Variants in BMP10 observed in about 807,000 individuals in gnomAD.
The protein encoded by BMP10 is bone morphogenetic protein 10.
BMP10 carries 9 observed loss-of-function variants against 29.9 expected under a neutral mutation model. The ratio of observed to expected loss-of-function variants is 0.30; its 90% CI spans 0.18 to 0.53. The LOEUF (loss-of-function observed/expected upper bound fraction) is 0.53. Ranked by LOEUF, BMP10 falls within the 20% of genes least tolerant of loss-of-function variation. The pLI, the probability that BMP10 is intolerant of heterozygous loss-of-function variation, is 0.96. For synonymous variants in BMP10, 202 were observed against 200.2 expected (o/e 1.01, Z -0.07); for missense variants, 474 against 524.3 (o/e 0.90, Z 0.94).
At position 68,869,234 on chromosome 2, in the gene BMP10, A is replaced by AATTGAGG. The variant is rs1558686228; in HGVS notation, c.334+1790_334+1791insCCTCAAT. Among the ~76,000 whole-genome samples the AATTGAGG allele has an allele frequency of 5.4e-3, 825 of 151,930 alleles. 6 individuals carry two copies. The highest frequency in any genetic ancestry group is 0.018 in the African/African-American group (754 of 41,408). On this transcript the variant is annotated intron_variant, in intron 1 of 1. Coordinates refer to ENST00000295379, the MANE Select transcript of BMP10 (RefSeq NM_014482.3). Reference sequence around the variant, plus strand: ...TCCCCAAATGACAAGGTGATAAAGGAGCACGCTTTTTTCACCTTGGAGGTG... The same window carrying AATTGAGG: ...TCCCCAAATGACAAGGTGATAAAGGAATTGAGGGCACGCTTTTTTCACCTTGGAGGTG...
chr2:68,865,862 T>C lies in BMP10; in HGVS notation c.1044A>G (p.Glu348=), dbSNP rs1169903543. The C allele has an allele frequency of 1.9e-6, 3 of 1,613,972 alleles. No homozygotes were observed. Among genetic ancestry groups the C allele is most frequent in the Admixed American group, 3.3e-5 (2 of 59,986 alleles). The part of the protein sequence containing the change: ...DSWIIAPPGY[E]AYECRGVCNY... ...TACAAACACCACGGCATTCATAGGC[T>C]TCGTATCCAGGCGGAGCGATGATCC... Residue 348 remains glutamate, a synonymous_variant, in exon 2 of 2, where the codon GAA becomes GAG. Coordinates refer to ENST00000295379, the MANE Select transcript of BMP10 (RefSeq NM_014482.3). The surrounding 1 kb of genome is among the most constrained non-coding windows in gnomAD (Gnocchi z 4.7).
intron 1 of BMP10, among the ~76,000 whole-genome samples, chr2:68,868,989 A>G (rs986068817): frequency 6.6e-6 from 1 of 152,230 alleles, no homozygotes; most frequent in African/African-American, 2.4e-5. Context: ...TGAAAAAGTA[A>G]GTTCACTGTG....
chr2:68,869,792 T>C (rs1363648016), intron 1 of BMP10, among the ~76,000 whole-genome samples: 4 of 152,194 alleles, frequency 2.6e-5, no homozygotes, highest in Admixed American at 6.5e-5. Context: ...TAAAGGGAGA[T>C]AATATCTTAG....
intron 1 of BMP10, among the ~76,000 whole-genome samples, chr2:68,869,776 C>T (rs770723162): frequency 8.5e-5 from 13 of 152,154 alleles, no homozygotes; most frequent in Non-Finnish European, 1.9e-4. Context: ...GCAGCCAACT[C>T]AATTTTAAAG....
In BMP10 at chr2:68,871,181, C is replaced by G. The variant is rs763627238; in HGVS notation, c.178G>C (p.Asp60His). The G allele has an allele frequency of 1.2e-6, 2 of 1,614,158 alleles. No homozygotes were observed. Among genetic ancestry groups the G allele is most frequent in the Non-Finnish European group, 1.7e-6 (2 of 1,180,022 alleles). Residue 60 changes from aspartate (D) to histidine (H), a missense_variant, in exon 1 of 2, where the codon GAT (aspartate) becomes CAT (histidine). Around this residue, in one of 2 missense-constraint regions of BMP10, gnomAD observed 408 missense variants for 415.3 expected, o/e 0.98. Transcript: ENST00000295379. ...DFNTLLQSMK[D>H]EFLKTLNLSD... is the part of the protein sequence containing the mutation. ...AGGTTTAGTGTCTTAAGAAACTCAT[C>G]CTTCATGCTCTGGAGCAGTGTGTTA...
chr2:68,866,160 T>C lies in BMP10; in HGVS notation c.746A>G (p.His249Arg), dbSNP rs1682950191. Reference protein sequence around the residue: ...LEIDTSAQNKHNPLLIVFSDD... With the variant: ...LEIDTSAQNKRNPLLIVFSDD... ...AGAAAACACGATGAGCAAAGGGTTA[T>C]GCTTATTCTGGGCACTGGTATCTAT... The change falls in exon 2 of 2, where the codon CAT becomes CGT. Residue 249 changes from histidine (H) to arginine (R), a missense_variant. His to Arg is a conservative substitution (Grantham distance 29). Coordinates refer to ENST00000295379, the MANE Select transcript of BMP10 (RefSeq NM_014482.3). The C allele has an allele frequency of 6.2e-7, 1 of 1,613,950 alleles. No individual in the cohort carries two copies. Among genetic ancestry groups the C allele is most frequent in the African/African-American group, 1.3e-5 (1 of 74,902 alleles).
chr2:68,862,412 C>T lies in BMP10; in HGVS notation c.*3219G>A, dbSNP rs2103800387. Among the ~76,000 whole-genome samples, 1 of 152,196 alleles carries T rather than the reference C, an allele frequency of 6.6e-6. No homozygotes were observed. Among genetic ancestry groups the T allele is most frequent in the East Asian group, 1.9e-4 (1 of 5,178 alleles). ...TCTCTATCCAAAAGGGAATCACAGA[C>T]ATAAAAATAAAATATTTGGTATTCT... On this transcript the variant is annotated 3_prime_UTR_variant, in exon 2 of 2. Transcript: ENST00000295379.
chr2:68,866,531 T>C lies in BMP10; in HGVS notation c.375A>G (p.Lys125=), dbSNP rs1395935515. ...TGGACACATTGAAGAGGAGGGGGTA[T>C]TTTCGGAGCCCATTAAAACTGACCG... The part of the protein sequence containing the change: ...SQPVSFNGLR[K]YPLLFNVSIP... Residue 125 remains lysine, a synonymous_variant, in exon 2 of 2, where the codon AAA becomes AAG. Transcript: ENST00000295379. The C allele has an allele frequency of 2.5e-6, 4 of 1,613,466 alleles. No individual in the cohort carries two copies. The highest frequency in any genetic ancestry group is 3.4e-6 in the Non-Finnish European group (4 of 1,179,890).
In BMP10 at chr2:68,865,829, G is replaced by A. The variant is rs372857522; in HGVS notation, c.1077C>T (p.Pro359=). The A allele has an allele frequency of 5.0e-6, 8 of 1,613,942 alleles. No homozygotes were observed. Among genetic ancestry groups the A allele is most frequent in the Non-Finnish European group, 6.8e-6 (8 of 1,179,980 alleles). The change falls in exon 2 of 2, where the codon CCC becomes CCT. Residue 359 remains proline, a synonymous_variant. Transcript: ENST00000295379. This position sits in a 1 kb window ranked among gnomAD's most constrained non-coding sequence, Gnocchi z 4.7. ...TTGTGGGTGTGAGATGCTCTGCCAG[G>A]GGGTAGTTACAAACACCACGGCATT... ...AYECRGVCNY[P]LAEHLTPTKH...
chr2:68,866,625 A>G, intron 1 of BMP10, 54 bp from the exon 2 acceptor site: 9 of 1,405,346 alleles, frequency 6.4e-6, no homozygotes, highest in Non-Finnish European at 8.7e-6. Context: ...AGGGAAAAAC[A>G]GATGCTTATT....
chr2:68,866,458 G>T lies in BMP10; in HGVS notation c.448C>A (p.Leu150Met). 6.2e-7 allele frequency: 1 copy of T among 1,614,010 alleles called. No individual in the cohort carries two copies. The highest frequency in any genetic ancestry group is 8.5e-7 in the Non-Finnish European group (1 of 1,179,942). Reference protein sequence around the residue: ...VIMAELRLYTLVQRDRMIYDG... With the variant: ...VIMAELRLYTMVQRDRMIYDG... Reference sequence around the variant, plus strand: ...TATATCATACGATCCCTTTGCACCAGTGTGTATAGCCTAAGTTCAGCCATG... The same window carrying T: ...TATATCATACGATCCCTTTGCACCATTGTGTATAGCCTAAGTTCAGCCATG... The change falls in exon 2 of 2, where the codon CTG becomes ATG. Residue 150 changes from leucine (L) to methionine (M), a missense_variant. Physicochemically the swap from Leu to Met is conservative, Grantham distance 15 (BLOSUM62 2). Around this residue, in one of 2 missense-constraint regions of BMP10, gnomAD observed 408 missense variants for 415.3 expected, o/e 0.98. Transcript: ENST00000295379.
At chr2:68,869,747 T>G (rs1035380210) in intron 1 of BMP10, among the ~76,000 whole-genome samples, 2 of 152,130 alleles carry the variant, frequency 1.3e-5, no homozygotes, top group African/African-American at 4.8e-5. Context: ...GAGAAAGATA[T>G]TATGAATTAT....
Position 68,865,287 on chromosome 2 carries a change from A to G in BMP10, c.*344T>C, listed in dbSNP as rs1056061538. The stretch of plus-strand genomic sequence containing the variant: ...ACATTTGAGTGAGTCATGCATGTAG[A>G]TGAGTATAACCTGCCTGCATAGAAC... On this transcript the variant is annotated 3_prime_UTR_variant, in exon 2 of 2. Transcript: ENST00000295379. The surrounding 1 kb of genome is among the most constrained non-coding windows in gnomAD (Gnocchi z 4.7). 6.6e-6 allele frequency among the ~76,000 whole-genome samples: 1 copy of G among 152,230 alleles called. No individual in the cohort carries two copies. The highest frequency in any genetic ancestry group is 1.5e-5 in the Non-Finnish European group (1 of 68,030).
rs1188772773 is a variant in BMP10 at position 68,865,926 on chromosome 2, G to A, written c.980C>T (p.Pro327Leu). The change falls in exon 2 of 2, where the codon CCG (proline) becomes CTG (leucine). Residue 327 changes from proline to leucine, a missense_variant. Pro to Leu is a moderately conservative substitution (Grantham distance 98). Around this residue, in one of 2 missense-constraint regions of BMP10, gnomAD observed 408 missense variants for 415.3 expected, o/e 0.98. Transcript: ENST00000295379. The surrounding 1 kb of genome is among the most constrained non-coding windows in gnomAD (Gnocchi z 4.7). ...NAKGNYCKRT[P>L]LYIDFKEIGW... is the part of the protein sequence containing the mutation. ...AATCTCCTTGAAGTCGATGTAGAGC[G>A]GGGTCCTCTTACAGTAGTTTCCTTT... 7 of 1,613,922 alleles carry A rather than the reference G, an allele frequency of 4.3e-6. No homozygotes were observed. Among genetic ancestry groups the A allele is most frequent in the East Asian group, 2.2e-5 (1 of 44,884 alleles).
At position 68,861,730 on chromosome 2, in the gene BMP10, A is replaced by G. The variant is rs565618883; in HGVS notation, c.*3901T>C. Among the ~76,000 whole-genome samples, 4 of 152,362 alleles carry G rather than the reference A, an allele frequency of 2.6e-5. No individual in the cohort carries two copies. The East Asian group carries it at 5.8e-4, about 22-fold the overall frequency. ...TAAGAAGAATACATAAAATTCTCTT[A>G]TATGAAAATATCTTTTACTTGAAGA... On this transcript the variant is annotated 3_prime_UTR_variant, in exon 2 of 2. Coordinates refer to ENST00000295379, the MANE Select transcript of BMP10 (RefSeq NM_014482.3).
At position 68,863,730 on chromosome 2, in the gene BMP10, G is replaced by A. The variant is rs556025320; in HGVS notation, c.*1901C>T. On this transcript the variant is annotated 3_prime_UTR_variant, in exon 2 of 2. Transcript: ENST00000295379. ...ATCTAGCGAGCTGAGGTTCAAATTGGGCCTTCTTCAAAATAGTTTTCCTTG... is the reference window on the plus strand; with the variant it reads ...ATCTAGCGAGCTGAGGTTCAAATTGAGCCTTCTTCAAAATAGTTTTCCTTG... 6.6e-6 allele frequency among the ~76,000 whole-genome samples: 1 copy of A among 152,136 alleles called. No individual in the cohort carries two copies. The highest frequency in any genetic ancestry group is 2.1e-4 in the South Asian group (1 of 4,822).
chr2:68,868,675 G>C (rs1467175414), intron 1 of BMP10, among the ~76,000 whole-genome samples: 2 of 152,184 alleles, frequency 1.3e-5, no homozygotes, highest in African/African-American at 2.4e-5. Flanking sequence ...ACTCTAAGAA[G>C]GGAAGAGACT....
At chr2:68,868,304 A>G (rs1029025719) in intron 1 of BMP10, among the ~76,000 whole-genome samples, 60 of 152,130 alleles carry the variant, frequency 3.9e-4, no homozygotes, top group African/African-American at 3.1e-4. Context: ...ACCTCCACCT[A>G]TCCAGCTCTG....
In BMP10 at chr2:68,865,967, T is replaced by G; in HGVS notation, c.939A>C (p.Arg313=). The change falls in exon 2 of 2, where the codon CGA becomes CGC. Residue 313 remains arginine (R), a synonymous_variant. Transcript: ENST00000295379. The surrounding 1 kb of genome is among the most constrained non-coding windows in gnomAD (Gnocchi z 4.7). ...AGTTTCCTTTGGCGTTCCTTCTGAT[T>G]CGGGCAGTGGAGTCATAGATGATGT... ...RSNIIYDSTA[R]IRRNAKGNYC... is the part of the protein sequence containing the mutation. 1 of 1,614,030 alleles carries G rather than the reference T, an allele frequency of 6.2e-7. No homozygotes were observed. Among genetic ancestry groups the G allele is most frequent in the African/African-American group, 1.3e-5 (1 of 75,000 alleles).
Sources: allele counts gnomAD v4.1 joint callset (sites outside exome capture counted in the v4.1 genomes callset), GRCh38; gene constraint gnomAD v4.1.1; regional missense constraint gnomAD v4.1.1; non-coding constraint Gnocchi (gnomAD v3.1); transcripts MANE v1.5; gene names NCBI Gene and HGNC (gene_info 2026-07-23, HGNC 2026-07-21).